Variants in MACROD2 observed in about 807,000 individuals in gnomAD.
The protein encoded by MACROD2 is mono-ADP ribosylhydrolase 2, also known as ADP-ribose glycohydrolase MACROD2.
MACROD2 carries 36 observed loss-of-function variants against 70.4 expected under a neutral mutation model. The ratio of observed to expected loss-of-function variants is 0.51; its 90% CI spans 0.39 to 0.68. The LOEUF (loss-of-function observed/expected upper bound fraction) is 0.68. Ranked by LOEUF, MACROD2 falls within the 30% of genes least tolerant of loss-of-function variation. MACROD2 has a pLI of 0.00. For missense variants in MACROD2, 496 were observed against 538.4 expected, an observed-to-expected ratio of 0.92 and a Z score of 0.78; for synonymous variants, 172 against 178.8, an observed-to-expected ratio of 0.96 and a Z score of 0.30.
At chr20:15,520,845 C>T (rs2047643286) in intron 8 of MACROD2, among the ~76,000 whole-genome samples, 1 of 152,196 alleles carries the variant, frequency 6.6e-6, no homozygotes, top group African/African-American at 2.4e-5. Context: ...TAACAACATC[C>T]ACACATTCAT....
At chr20:15,258,132 T>C (rs1409477582) in intron 6 of MACROD2, among the ~76,000 whole-genome samples, 1 of 152,064 alleles carries the variant, frequency 6.6e-6, no homozygotes, top group Non-Finnish European at 1.5e-5. Flanking sequence ...TGTCTTTGTG[T>C]TTTAAGCTAT....
Position 14,688,570 on chromosome 20 carries a change from T to C in MACROD2, c.418+3611T>C, listed in dbSNP as rs1286573733. ...TATTGGTCAATATTTCATTGAAGGC[T>C]ATTGCTAAGGAAATGACTTAGAAAG... On this transcript the variant is annotated intron_variant, in intron 5 of 17. Transcript: ENST00000684519. Among the ~76,000 whole-genome samples the C allele has an allele frequency of 2.7e-5, 4 of 148,650 alleles. No individual in the cohort carries two copies. In the Admixed American group the frequency reaches 2.7e-4, roughly 10 times the overall value.
At chr20:14,883,304 A>G (rs1291234795) in intron 5 of MACROD2, among the ~76,000 whole-genome samples, 2 of 152,146 alleles carry the variant, frequency 1.3e-5, no homozygotes, top group East Asian at 3.9e-4. Flanking sequence ...GCACATGCAT[A>G]ATTTGAACAT....
intron 5 of MACROD2, among the ~76,000 whole-genome samples, chr20:15,061,921 A>C (rs2075535770): frequency 6.6e-6 from 1 of 152,128 alleles, no homozygotes; most frequent in Non-Finnish European, 1.5e-5. Context: ...GGGGAGCTTG[A>C]TATGCACCTC....
intron 3 of MACROD2, among the ~76,000 whole-genome samples, chr20:14,380,680 G>C (rs557183972): frequency 6.6e-6 from 1 of 152,000 alleles, no homozygotes; most frequent in Non-Finnish European, 1.5e-5. Context: ...CTATTGACTG[G>C]TCTCTTCATA....
chr20:14,194,082 G>T (rs2081410655), intron 3 of MACROD2, among the ~76,000 whole-genome samples: 1 of 152,132 alleles, frequency 6.6e-6, no homozygotes, highest in Non-Finnish European at 1.5e-5. Flanking sequence ...GGACTGATTT[G>T]GTTGTAACTC....
Position 14,797,184 on chromosome 20 carries a change from T to A in MACROD2, c.418+112225T>A, listed in dbSNP as rs78592249. On this transcript the variant is annotated intron_variant, in intron 5 of 17. Transcript: ENST00000684519. ...GCCCAAACTACCATCACTATTCACCTAGACTGTTGCGATATCCTTCTAAAT... is the reference window on the plus strand; with the variant it reads ...GCCCAAACTACCATCACTATTCACCAAGACTGTTGCGATATCCTTCTAAAT... 3.7e-4 allele frequency among the ~76,000 whole-genome samples: 56 copies of A among 152,192 alleles called. No individual in the cohort carries two copies. The East Asian group carries it at 0.011, about 29-fold the overall frequency.
At chr20:14,468,811 C>CT (rs2123040268) in intron 3 of MACROD2, among the ~76,000 whole-genome samples, 1 of 152,176 alleles carries the variant, frequency 6.6e-6, no homozygotes, top group African/African-American at 2.4e-5. Flanking sequence ...CGCCCAGCCT[C>CT]TATGTGTGTC....
intron 5 of MACROD2, among the ~76,000 whole-genome samples, chr20:15,159,308 C>A (rs927443632): frequency 1.1e-4 from 16 of 152,072 alleles, no homozygotes; most frequent in African/African-American, 3.9e-4. Flanking sequence ...TAGGTTCATT[C>A]TCTGCCTTTT....
chr20:15,696,348 A>T (rs1038931296), intron 8 of MACROD2, among the ~76,000 whole-genome samples: 2 of 152,178 alleles, frequency 1.3e-5, no homozygotes, highest in African/African-American at 4.8e-5. Context: ...TATCTCATTT[A>T]TTGACTTGCA....
chr20:15,884,192 A>G (rs2064793695), intron 9 of MACROD2, among the ~76,000 whole-genome samples: 1 of 152,082 alleles, frequency 6.6e-6, no homozygotes, highest in African/African-American at 2.4e-5. Flanking sequence ...CATACCAAGC[A>G]GGCAGCAAAA....
intron 2 of MACROD2, among the ~76,000 whole-genome samples, chr20:14,007,741 A>T (rs1452674303): frequency 1.3e-5 from 2 of 152,104 alleles, no homozygotes; most frequent in Non-Finnish European, 2.9e-5. Context: ...AAGCAATGTT[A>T]TTGTTACACT....
At chr20:14,230,491 A>G (rs2081792585) in intron 3 of MACROD2, among the ~76,000 whole-genome samples, 1 of 151,218 alleles carries the variant, frequency 6.6e-6, no homozygotes, top group Non-Finnish European at 1.5e-5. Flanking sequence ...CAATTTAGTT[A>G]TGTCTTTAGG....
At chr20:14,523,049 A>G (rs975714251) in intron 4 of MACROD2, among the ~76,000 whole-genome samples, 1 of 152,178 alleles carries the variant, frequency 6.6e-6, no homozygotes, top group African/African-American at 2.4e-5. Context: ...TATGCTAAAA[A>G]TATTTCCTGG....
Position 14,455,517 on chromosome 20 carries a change from C to T in MACROD2, c.272-37962C>T, listed in dbSNP as rs929140582. On this transcript the variant is annotated intron_variant, in intron 3 of 17. Transcript: ENST00000684519. ...ATCTGTGCAAAGCATTCAACCTGCC[C>T]CTGTGGTAACTGAGCTCGTAAATTA... 4.6e-5 allele frequency among the ~76,000 whole-genome samples: 7 copies of T among 151,786 alleles called. No individual in the cohort carries two copies. The East Asian group carries it at 5.8e-4, about 13-fold the overall frequency.
At chr20:14,143,695 T>A (rs1203114196) in intron 3 of MACROD2, among the ~76,000 whole-genome samples, 1 of 152,178 alleles carries the variant, frequency 6.6e-6, no homozygotes, top group Non-Finnish European at 1.5e-5. Flanking sequence ...GCTCAGGCCA[T>A]TGTGGAATGA....
intron 2 of MACROD2, among the ~76,000 whole-genome samples, chr20:14,027,977 G>C (rs2053195148): frequency 6.6e-6 from 1 of 152,214 alleles, no homozygotes; most frequent in African/African-American, 2.4e-5. Flanking sequence ...AGAGCCAGCA[G>C]GCAGGAATGT....
At chr20:14,046,601 T>A (rs1423991682) in intron 2 of MACROD2, among the ~76,000 whole-genome samples, 1 of 152,136 alleles carries the variant, frequency 6.6e-6, no homozygotes, top group African/African-American at 2.4e-5. Flanking sequence ...ATAACTGAGA[T>A]CAAATTTTCG....
chr20:14,944,730 T>G (rs2074416693), intron 5 of MACROD2, among the ~76,000 whole-genome samples: 1 of 152,152 alleles, frequency 6.6e-6, no homozygotes, highest in African/African-American at 2.4e-5. Flanking sequence ...CTCACTTCAC[T>G]GCTGCAGACA....
Sources: gnomAD v4.1 joint callset for allele counts (sites outside exome capture counted in the v4.1 genomes callset) on GRCh38, gnomAD v4.1.1 for gene constraint, MANE v1.5 for transcripts, NCBI Gene and HGNC (gene_info 2026-07-23, HGNC 2026-07-21) for gene names.